The following VPS54 variants were observed in gnomAD, a reference collection of about 807,000 sequenced individuals.
VPS54 encodes the protein vacuolar protein sorting-associated protein 54.
Under a neutral mutation model 121.5 loss-of-function variants are expected in VPS54, and 45 were observed. The observed-to-expected ratio is 0.37, with a 90% confidence interval of 0.29 to 0.47. The LOEUF (loss-of-function observed/expected upper bound fraction) is 0.47, where lower values mean the gene tolerates loss of function less well. Among genes scored for constraint, VPS54 ranks in the 20% least tolerant of loss-of-function variants. The pLI is 0.99. For missense variants in VPS54, 1,090 were observed against 1,131.4 expected (o/e 0.96, Z 0.52); for synonymous variants, 371 against 385.8 (o/e 0.96, Z 0.45).
At chr2:63,949,015 A>C (rs368894939) in intron 8 of VPS54, 22 bp downstream of exon 8, 3 of 1,606,466 alleles carry the variant, frequency 1.9e-6, no homozygotes, top group Non-Finnish European at 2.5e-6. Context: ...CATCAACTTC[A>C]TTCCACAGTT....
At chr2:63,976,444 T>C (rs1023986144) in intron 3 of VPS54, among the ~76,000 whole-genome samples, 21 of 151,996 alleles carry the variant, frequency 1.4e-4, no homozygotes, top group African/African-American at 4.3e-4. Context: ...ATTAGCTTCA[T>C]GACAGCCTCA....
At chr2:63,966,110 C>T (rs1312361639) in intron 5 of VPS54, 144 bp from the exon 6 acceptor site, 4 of 768,374 alleles carry the variant, frequency 5.2e-6, no homozygotes, top group Admixed American at 6.1e-5. Flanking sequence ...GAGTTCTTTA[C>T]ACAAATATCT....
chr2:63,992,062 C>G (rs946482927), intron 1 of VPS54, among the ~76,000 whole-genome samples: 2 of 152,210 alleles, frequency 1.3e-5, no homozygotes, highest in Non-Finnish European at 2.9e-5. Context: ...ACCATTCATA[C>G]TGGTCTCATT....
chr2:63,957,035 C>A (rs906968925), intron 7 of VPS54, among the ~76,000 whole-genome samples: 1 of 152,030 alleles, frequency 6.6e-6, no homozygotes, highest in Non-Finnish European at 1.5e-5. Context: ...ATGCCATTAG[C>A]CTCAGCAATA....
At chr2:63,913,116 G>T in intron 18 of VPS54, 107 bp downstream of exon 18, 1 of 850,060 alleles carries the variant, frequency 1.2e-6, no homozygotes, top group Non-Finnish European at 1.7e-6. Context: ...TTAGAGTAAT[G>T]CCACTTTGGT....
chr2:63,911,436 G>A (rs1208264374), intron 20 of VPS54, among the ~76,000 whole-genome samples: 1 of 152,080 alleles, frequency 6.6e-6, no homozygotes, highest in Non-Finnish European at 1.5e-5. Context: ...ACCCTTTCCA[G>A]GAATCTGGGA....
At chr2:63,914,366 A>C in intron 16 of VPS54, 79 bp from the exon 17 acceptor site, 2 of 896,840 alleles carry the variant, frequency 2.2e-6, no homozygotes, top group East Asian at 4.8e-5. Flanking sequence ...AAATCAAATT[A>C]CTTAATGGCA....
At chr2:63,999,913 TGC>T (rs1308219333) in intron 1 of VPS54, among the ~76,000 whole-genome samples, 6 of 152,008 alleles carry the variant, frequency 3.9e-5, no homozygotes, top group Non-Finnish European at 8.8e-5. Flanking sequence ...CAGACTAGAG[TGC>T]AATGGCACGA....
Position 64,017,070 on chromosome 2 carries a change from G to A in VPS54, c.-21+1868C>T, listed in dbSNP as rs143381105. Among the ~76,000 whole-genome samples the A allele has an allele frequency of 8.5e-3, 1,257 of 147,688 alleles. 10 individuals carry two copies. Among genetic ancestry groups the A allele is most frequent in the Middle Eastern group, 0.077 (22 of 284 alleles). On this transcript the variant is annotated intron_variant, in intron 1 of 22. Transcript: ENST00000272322. ...GAGTGTGATGGGCCGGGGCCGGGGC[G>A]GTGGCTCACACCTCTAATCCCAGCA...
intron 2 of VPS54, among the ~76,000 whole-genome samples, chr2:63,983,126 T>C (rs893220513): frequency 1.3e-4 from 19 of 151,796 alleles, no homozygotes; most frequent in Admixed American, 5.9e-4. Flanking sequence ...TAAAAAAAAA[T>C]TTCAATTTCC....
intron 12 of VPS54, among the ~76,000 whole-genome samples, chr2:63,921,558 T>A (rs1193094258): frequency 6.6e-6 from 1 of 152,172 alleles, no homozygotes; most frequent in Non-Finnish European, 1.5e-5. Flanking sequence ...GACAGGGTCT[T>A]GCTCTGTCAC....
At chr2:63,958,955 A>C (rs1031923975) in intron 7 of VPS54, among the ~76,000 whole-genome samples, 7 of 152,230 alleles carry the variant, frequency 4.6e-5, no homozygotes, top group African/African-American at 1.7e-4. Flanking sequence ...AAATTCAAGT[A>C]GAATATTTCT....
rs1314694639 is a variant in VPS54, at chr2:63,972,217, T to C, written c.406A>G (p.Asn136Asp). 1.3e-6 allele frequency: 2 copies of C among 1,595,058 alleles called. No individual in the cohort carries two copies. The highest frequency in any genetic ancestry group is 1.7e-6 in the Non-Finnish European group (2 of 1,167,082). ...QREKIHERCK[N>D]ICPPKDTFER... ...AAGGTATCTTTAGGAGGACAAATATTCTTGCATCTCTCATGAATCTTCTCT... is the reference window on the plus strand; with the variant it reads ...AAGGTATCTTTAGGAGGACAAATATCCTTGCATCTCTCATGAATCTTCTCT... Residue 136 changes from asparagine to aspartate, a missense_variant, in exon 4 of 23, where the codon AAT becomes GAT. By Grantham distance (23) the Asn-to-Asp change is conservative (BLOSUM62 1). Around this residue, in one of 2 missense-constraint regions of VPS54, gnomAD observed 801 missense variants for 757.0 expected, o/e 1.06. Coordinates refer to ENST00000272322, the MANE Select transcript of VPS54 (RefSeq NM_016516.3).
intron 1 of VPS54, among the ~76,000 whole-genome samples, chr2:63,996,051 C>G (rs1422024070): frequency 6.6e-6 from 1 of 152,046 alleles, no homozygotes; most frequent in Non-Finnish European, 1.5e-5. Flanking sequence ...GTGTGCTGGA[C>G]CAGTCAAAGA....
At chr2:63,967,177 ATATTT>A (rs1395753145) in intron 5 of VPS54, among the ~76,000 whole-genome samples, 4 of 152,170 alleles carry the variant, frequency 2.6e-5, no homozygotes, top group Non-Finnish European at 2.9e-5. Flanking sequence ...TTTATATGCT[ATATTT>A]TATTTACTGA....
intron 20 of VPS54, 99 bp from the exon 21 acceptor site, chr2:63,899,680 C>A: frequency 1.1e-6 from 1 of 927,828 alleles, no homozygotes; most frequent in Admixed American, 2.2e-5. Context: ...CTCCACATAT[C>A]CAATTCTGGC....
In VPS54 at chr2:64,008,061, G is replaced by A. The variant is rs144336766; in HGVS notation, c.-21+10877C>T. 5.9e-5 allele frequency among the ~76,000 whole-genome samples: 9 copies of A among 151,994 alleles called. No homozygotes were observed. The East Asian group carries it at 1.4e-3, about 23-fold the overall frequency. ...TTGAGCAAGAATCTTTTAGGCTATC[G>A]GAGACCTGACCATATTTGTAGGCAA... is the stretch of plus-strand genomic sequence containing the variant. On this transcript the variant is annotated intron_variant, in intron 1 of 22. Transcript: ENST00000272322.
chr2:63,913,217 C>A lies in VPS54; in HGVS notation c.2422+6G>T, dbSNP rs201731981. ...CAGCAAGTGAATTAAACGCAAGAAT[C>A]CATACCCAAATTTTTTGTAGTTATC... On this transcript the variant is annotated splice_donor_region_variant and intron_variant, in intron 18 of 22. Coordinates refer to ENST00000272322, the MANE Select transcript of VPS54 (RefSeq NM_016516.3). 1.4e-5 allele frequency: 22 copies of A among 1,607,646 alleles called. No homozygotes were observed. The East Asian group carries it at 5.0e-4, about 36-fold the overall frequency.
At chr2:63,967,723 A>T (rs1293657604) in intron 5 of VPS54, among the ~76,000 whole-genome samples, 1 of 149,176 alleles carries the variant, frequency 6.7e-6, no homozygotes, top group East Asian at 1.9e-4. Flanking sequence ...TGCCTCAAAA[A>T]AAAAAAAAAA....
Sources: gnomAD v4.1 joint callset for allele counts (sites outside exome capture counted in the v4.1 genomes callset) on GRCh38, gnomAD v4.1.1 for gene constraint, gnomAD v4.1.1 regional missense constraint, MANE v1.5 for transcripts, NCBI Gene and HGNC (gene_info 2026-07-23, HGNC 2026-07-21) for gene names.